Variants in MANBA observed in about 807,000 individuals in gnomAD.
MANBA encodes the protein mannosidase beta, also known as beta-mannosidase.
In MANBA, 83 loss-of-function variants were observed where a neutral mutation model predicts 111.1. The observed-to-expected ratio is 0.75, with a 90% confidence interval of 0.63 to 0.90. The LOEUF (loss-of-function observed/expected upper bound fraction) is 0.90. Ranked by LOEUF, MANBA falls within the 40% of genes least tolerant of loss-of-function variation. The pLI is 0.00. For synonymous variants in MANBA, 370 were observed against 378.7 expected (o/e 0.98, Z 0.27); for missense variants, 1,036 against 1,069.0 (o/e 0.97, Z 0.43).
Position 102,700,261 on chromosome 4 carries a change from T to A in MANBA, c.674-9490A>T, listed in dbSNP as rs1332629472. On this transcript the variant is annotated intron_variant, in intron 5 of 16. Coordinates refer to ENST00000647097, the MANE Select transcript of MANBA (RefSeq NM_005908.4). ...GATTCTTCTCTCTTTTTTTCTTTAT[T>A]AGTCTTGCTAACGGTCTATCAATTT... 7.2e-5 allele frequency among the ~76,000 whole-genome samples: 11 copies of A among 152,266 alleles called. No individual in the cohort carries two copies. The East Asian group carries it at 9.6e-4, about 13-fold the overall frequency.
chr4:102,631,781 G>A lies in MANBA; in HGVS notation c.*276C>T, dbSNP rs1729386391. The A allele has an allele frequency of 3.3e-6, 2 of 598,854 alleles. No individual in the cohort carries two copies. Among genetic ancestry groups the A allele is most frequent in the Non-Finnish European group, 5.9e-6 (2 of 337,352 alleles). 37.1% of individuals were successfully genotyped at this position (598,854 alleles called of 1,614,324 possible). Reference sequence around the variant, plus strand: ...GGCCATCTTGTTATAACTGGTTCATGTCCTGCTAAAGCTGAGAGGTGAAGG... The same window carrying A: ...GGCCATCTTGTTATAACTGGTTCATATCCTGCTAAAGCTGAGAGGTGAAGG... On this transcript the variant is annotated 3_prime_UTR_variant, in exon 17 of 17. Coordinates refer to ENST00000647097, the MANE Select transcript of MANBA (RefSeq NM_005908.4).
In MANBA at chr4:102,714,445, T is replaced by C. The variant is rs754405742; in HGVS notation, c.666A>G (p.Pro222=). 1 of 1,604,866 alleles carries C rather than the reference T, an allele frequency of 6.2e-7. No homozygotes were observed. The highest frequency in any genetic ancestry group is 8.5e-7 in the Non-Finnish European group (1 of 1,171,692). The change falls in exon 5 of 17, where the codon CCA becomes CCG. Residue 222 remains proline (P), a synonymous_variant. Transcript: ENST00000647097. ...ICHLNYFTFS[P]IYDKSAQEWN... is the part of the protein sequence containing the mutation. ...TCACATCTTTCAGCTTACCATATAT[T>C]GGGGAAAATGTGAAGTAGTTCAGGT...
intron 7 of MANBA, among the ~76,000 whole-genome samples, chr4:102,686,369 T>C (rs1173818084): frequency 6.6e-6 from 1 of 152,202 alleles, no homozygotes; most frequent in East Asian, 1.9e-4. Context: ...AAAGGCTGGC[T>C]TCCACCACTT....
chr4:102,711,984 G>A (rs1038128554), intron 5 of MANBA, among the ~76,000 whole-genome samples: 4 of 151,968 alleles, frequency 2.6e-5, no homozygotes, highest in African/African-American at 9.7e-5. Flanking sequence ...GAAGGAATAA[G>A]TTCTAATGTT....
At chr4:102,635,084 G>A (rs1729564015) in intron 15 of MANBA, 39 bp from the exon 16 acceptor site, 2 of 1,609,416 alleles carry the variant, frequency 1.2e-6, no homozygotes, top group East Asian at 4.5e-5. Context: ...AGGCATTCTT[G>A]GTTGCTATGT....
At chr4:102,729,419 G>A (rs1167596168) in intron 1 of MANBA, 26 of 1,214,934 alleles carry the variant, frequency 2.1e-5, no homozygotes, top group East Asian at 1.6e-4. Context: ...CCCAGGGAGC[G>A]GCTGTTGTCC....
intron 7 of MANBA, 146 bp from the exon 8 acceptor site, chr4:102,674,216 T>G: frequency 1.6e-6 from 1 of 644,214 alleles, no homozygotes. Context: ...AATGTGGAAA[T>G]GCACATTTCA....
chr4:102,652,093 G>C (rs1465661441), intron 12 of MANBA, among the ~76,000 whole-genome samples: 1 of 152,070 alleles, frequency 6.6e-6, no homozygotes, highest in African/African-American at 2.4e-5. Flanking sequence ...TCATTTCTTT[G>C]TGTCGGGAAC....
intron 7 of MANBA, among the ~76,000 whole-genome samples, chr4:102,680,335 A>G (rs1731906152): frequency 6.6e-6 from 1 of 152,242 alleles, no homozygotes; most frequent in East Asian, 1.9e-4. Context: ...ATCTAAAACT[A>G]TACCAGAAAA....
intron 7 of MANBA, among the ~76,000 whole-genome samples, chr4:102,678,454 A>T (rs1330736046): frequency 6.6e-6 from 1 of 152,150 alleles, no homozygotes; most frequent in Non-Finnish European, 1.5e-5. Context: ...TCTTGAAAAG[A>T]CCCTTGAGTA....
chr4:102,725,878 A>C (rs549304803), intron 2 of MANBA, among the ~76,000 whole-genome samples: 1 of 152,326 alleles, frequency 6.6e-6, no homozygotes, highest in South Asian at 2.1e-4. Context: ...AGACTGGAAA[A>C]TGGTGTTACA....
chr4:102,653,668 G>A (rs1730440010), intron 12 of MANBA, among the ~76,000 whole-genome samples: 1 of 152,126 alleles, frequency 6.6e-6, no homozygotes, highest in Non-Finnish European at 1.5e-5. Context: ...ATAATGAGCA[G>A]CACTTATCCT....
intron 1 of MANBA, among the ~76,000 whole-genome samples, chr4:102,736,383 A>G (rs560313925): frequency 9.6e-4 from 147 of 152,354 alleles, no homozygotes; most frequent in African/African-American, 3.2e-3. Context: ...CATGCAAATG[A>G]CAATATCATC....
chr4:102,688,688 T>C (rs1732335673), intron 7 of MANBA, among the ~76,000 whole-genome samples: 1 of 152,186 alleles, frequency 6.6e-6, no homozygotes, highest in Admixed American at 6.5e-5. Flanking sequence ...ATTGTCCCTA[T>C]TTTACATATT....
intron 1 of MANBA, chr4:102,729,697 G>C: frequency 6.4e-7 from 1 of 1,554,168 alleles, no homozygotes; most frequent in Non-Finnish European, 8.8e-7. Context: ...TCCAGCTTCA[G>C]CTTCTCCTGG....
At chr4:102,688,199 G>A (rs974927008) in intron 7 of MANBA, among the ~76,000 whole-genome samples, 3 of 152,080 alleles carry the variant, frequency 2.0e-5, no homozygotes, top group African/African-American at 4.8e-5. Context: ...CATCCTCTCA[G>A]CCAAGAGGGG....
rs1190386987 is a variant in MANBA at position 102,697,141 on chromosome 4, A to G, written c.674-6370T>C. ...TAGTAAGCTCCAAAGAAGAAAATTT[A>G]CTCAAGCAATGAGGAGACTAATCAC... is the stretch of plus-strand genomic sequence containing the variant. On this transcript the variant is annotated intron_variant, in intron 5 of 16. Coordinates refer to ENST00000647097, the MANE Select transcript of MANBA (RefSeq NM_005908.4). 2.6e-5 allele frequency among the ~76,000 whole-genome samples: 4 copies of G among 152,120 alleles called. No homozygotes were observed. The East Asian group carries it at 5.8e-4, about 22-fold the overall frequency.
At chr4:102,729,393 G>C in intron 1 of MANBA, 6 of 882,648 alleles carry the variant, frequency 6.8e-6, no homozygotes, top group Admixed American at 3.5e-5. Context: ...TGACCTCAGC[G>C]ATGATGCTGT....
chr4:102,641,927 A>G (rs528324826), intron 13 of MANBA, among the ~76,000 whole-genome samples: 3 of 151,476 alleles, frequency 2.0e-5, no homozygotes, highest in African/African-American at 7.3e-5. Context: ...GGAAATTAGC[A>G]TGAAAGAGCA....
Sources: allele counts gnomAD v4.1 joint callset (sites outside exome capture counted in the v4.1 genomes callset), GRCh38; gene constraint gnomAD v4.1.1; transcripts MANE v1.5; gene names NCBI Gene and HGNC (gene_info 2026-07-23, HGNC 2026-07-21).